Variants in STRBP observed in about 807,000 individuals in gnomAD.
STRBP encodes spermatid perinuclear RNA-binding protein.
Under a neutral mutation model 80.1 loss-of-function variants are expected in STRBP, and 13 were observed. The ratio of observed to expected loss-of-function variants is 0.16; its 90% confidence interval spans 0.11 to 0.26. The LOEUF (loss-of-function observed/expected upper bound fraction) is 0.26. Among genes scored for constraint, STRBP ranks in the 10% least tolerant of loss-of-function variants. The probability of loss-of-function intolerance (pLI) is 1.00; values close to 1 mark genes in which losing one functional copy is unlikely to be tolerated. For missense variants in STRBP, 485 were observed against 815.2 expected (o/e 0.59, Z 4.93); for synonymous variants, 284 against 291.2 (o/e 0.98, Z 0.25).
intron 6 of STRBP, 99 bp from the exon 7 acceptor site, chr9:123,161,167 G>A (rs779120821): frequency 1.1e-6 from 1 of 935,754 alleles, no homozygotes; most frequent in Non-Finnish European, 1.6e-6. Context: ...AACAGCATTT[G>A]AGTGAACTAA....
At chr9:123,164,148 C>T (rs2037650171) in intron 6 of STRBP, among the ~76,000 whole-genome samples, 2 of 152,200 alleles carry the variant, frequency 1.3e-5, no homozygotes, top group African/African-American at 4.8e-5. Context: ...CGGGCTCAAG[C>T]AATTCCCATG....
rs1212393847 is a variant in STRBP, at chr9:123,178,990, G to A, written c.224+17C>T. 1 of 1,612,140 alleles carries A rather than the reference G, an allele frequency of 6.2e-7. No individual in the cohort carries two copies. The highest frequency in any genetic ancestry group is 8.5e-7 in the Non-Finnish European group (1 of 1,178,444). ...GTGCACTCTAGCACAGCGTCCCAGAGGTCAGTCCACACTCACTTGGAATAG... is the reference window on the plus strand; with the variant it reads ...GTGCACTCTAGCACAGCGTCCCAGAAGTCAGTCCACACTCACTTGGAATAG... On this transcript the variant is annotated intron_variant, in intron 4 of 18. Coordinates refer to ENST00000348403, the MANE Select transcript of STRBP (RefSeq NM_018387.5).
chr9:123,147,924 G>A (rs912762314), intron 11 of STRBP, 54 bp from the exon 12 acceptor site: 28 of 1,426,552 alleles, frequency 2.0e-5, no homozygotes, highest in Middle Eastern at 1.8e-4. Context: ...TCCCCTTACC[G>A]TACCATATGT....
rs551725559 is a variant in STRBP at position 123,123,629 on chromosome 9, G to T, written c.*1968C>A. 2 of 985,154 alleles carry T rather than the reference G, an allele frequency of 2.0e-6. No homozygotes were observed. The highest frequency in any genetic ancestry group is 3.5e-5 in the African/African-American group (2 of 57,236). 61.0% of individuals were successfully genotyped at this position (985,154 alleles called of 1,614,324 possible). A position where few individuals can be genotyped will look rare whatever the true frequency, so the allele number is the denominator to read the frequency against. On this transcript the variant is annotated 3_prime_UTR_variant, in exon 19 of 19. Transcript: ENST00000348403. ...CCCTTTTCACCATTACAGAGCGCGTGAGTTATGAAGCAGAGTCAGCTACTT... is the reference window on the plus strand; with the variant it reads ...CCCTTTTCACCATTACAGAGCGCGTTAGTTATGAAGCAGAGTCAGCTACTT...
At chr9:123,210,136 A>T (rs985378448) in intron 2 of STRBP, among the ~76,000 whole-genome samples, 1 of 152,228 alleles carries the variant, frequency 6.6e-6, no homozygotes, top group Non-Finnish European at 1.5e-5. Flanking sequence ...TATCTTCTTC[A>T]TCTATTCTAC....
downstream of STRBP, among the ~76,000 whole-genome samples, chr9:123,120,505 A>AGGGGGGGGGGGGGGGGGGGGG (rs2035716293): frequency 8.3e-4 from 1 of 1,208 alleles, no homozygotes. Flanking sequence ...GGGGGGGGGC[A>AGGGGGGGGGGGGGGGGGGGGG]GGGGCGGGGA....
chr9:123,122,595 A>AAT lies in STRBP; in HGVS notation c.*3001_*3002insAT, dbSNP rs2035767037. On this transcript the variant is annotated 3_prime_UTR_variant, in exon 19 of 19. Coordinates refer to ENST00000348403, the MANE Select transcript of STRBP (RefSeq NM_018387.5). ...CCATGCACTTCATCTAGTCAGCATG[A>AAT]GGTATGTTGGAAATCTACTGGACCA... 2.7e-6 allele frequency: 3 copies of AAT among 1,093,344 alleles called. No individual in the cohort carries two copies. Among genetic ancestry groups the AAT allele is most frequent in the Non-Finnish European group, 2.2e-6 (2 of 894,668 alleles). The allele number at this position is 1,093,344 out of a possible 1,614,324, so 67.7% of individuals were successfully genotyped here. A position where few individuals can be genotyped will look rare whatever the true frequency, so the allele number is the denominator to read the frequency against.
intron 6 of STRBP, chr9:123,168,138 A>C: frequency 1.3e-6 from 1 of 752,908 alleles, no homozygotes; most frequent in Non-Finnish European, 1.6e-6. Flanking sequence ...TTACAACACT[A>C]CTTAGAAATG....
downstream of STRBP, among the ~76,000 whole-genome samples, chr9:123,117,717 T>C (rs2035668544): frequency 1.3e-5 from 2 of 152,220 alleles, no homozygotes; most frequent in Non-Finnish European, 2.9e-5. Flanking sequence ...TTGTACCCAA[T>C]GAGCCAAAGC....
At chr9:123,198,426 C>T (rs1463610917) in intron 2 of STRBP, among the ~76,000 whole-genome samples, 3 of 152,120 alleles carry the variant, frequency 2.0e-5, no homozygotes, top group African/African-American at 4.8e-5. Flanking sequence ...GTGTGAGCCA[C>T]GGCGCCCGGC....
chr9:123,166,065 C>T (rs530149127), intron 6 of STRBP, among the ~76,000 whole-genome samples: 243 of 152,270 alleles, frequency 1.6e-3, no homozygotes, highest in African/African-American at 5.6e-3. Context: ...TCATCTACTA[C>T]GTATTAGGTA....
intron 16 of STRBP, 64 bp downstream of exon 16, chr9:123,135,976 GA>G: frequency 6.3e-7 from 1 of 1,588,902 alleles, no homozygotes; most frequent in Non-Finnish European, 8.6e-7. Flanking sequence ...ACATGGACAG[GA>G]AAGAAAATTT....
At chr9:123,219,265 T>C (rs976950140) in intron 2 of STRBP, among the ~76,000 whole-genome samples, 1 of 152,142 alleles carries the variant, frequency 6.6e-6, no homozygotes, top group Non-Finnish European at 1.5e-5. Flanking sequence ...AAATCCATCA[T>C]TCAGTCCCCA....
intron 6 of STRBP, among the ~76,000 whole-genome samples, chr9:123,163,798 T>C (rs1026977385): frequency 6.6e-6 from 1 of 152,158 alleles, no homozygotes. Context: ...CTGCTACCCT[T>C]GGTAGCAGAA....
intron 3 of STRBP, chr9:123,114,037 C>T (rs2035607362): frequency 6.0e-6 from 1 of 167,126 alleles, no homozygotes; most frequent in African/African-American, 2.4e-5. Flanking sequence ...CATTTCACCT[C>T]TTTAGAGGTG....
At chr9:123,128,858 A>C (rs1406820608) in intron 17 of STRBP, among the ~76,000 whole-genome samples, 1 of 152,204 alleles carries the variant, frequency 6.6e-6, no homozygotes, top group Non-Finnish European at 1.5e-5. Context: ...TTCTGGCCCA[A>C]GTACAGGGTC....
chr9:123,192,909 G>A (rs970371895), intron 2 of STRBP, among the ~76,000 whole-genome samples: 2 of 152,038 alleles, frequency 1.3e-5, no homozygotes, highest in South Asian at 2.1e-4. Context: ...AGGTCCTATC[G>A]TCATTCTTGT....
intron 2 of STRBP, among the ~76,000 whole-genome samples, chr9:123,231,473 T>C (rs1409364980): frequency 1.3e-5 from 2 of 152,216 alleles, no homozygotes; most frequent in Non-Finnish European, 2.9e-5. Context: ...AACAGTACCC[T>C]CATAGTTATC....
chr9:123,165,664 C>T (rs2037724412), intron 6 of STRBP, among the ~76,000 whole-genome samples: 1 of 152,150 alleles, frequency 6.6e-6, no homozygotes, highest in African/African-American at 2.4e-5. Context: ...ATCACAAGCA[C>T]CAAAAGAAAT....
Sources: allele counts gnomAD v4.1 joint callset (sites outside exome capture counted in the v4.1 genomes callset), GRCh38; gene constraint gnomAD v4.1.1; transcripts MANE v1.5; gene names NCBI Gene and HGNC (gene_info 2026-07-23, HGNC 2026-07-21).